RP1: variants seen among roughly 807,000 people sequenced by gnomAD.
The protein encoded by RP1 is RP1 axonemal microtubule associated, also known as oxygen-regulated protein 1.
In RP1, 16 loss-of-function variants were observed where a neutral mutation model predicts 14.8. That is an observed-to-expected ratio of 1.08 (90% CI 0.73 to 1.65). The LOEUF (loss-of-function observed/expected upper bound fraction) is 1.65. Among genes scored for constraint, RP1 ranks in the 40% most tolerant of loss-of-function variants. RP1 has a pLI of 0.00. For missense variants in RP1, 2,631 were observed against 2,535.0 expected, an observed-to-expected ratio of 1.04 and a Z score of -0.81; for synonymous variants, 876 against 883.6, an observed-to-expected ratio of 0.99 and a Z score of 0.15.
intron 24 of RP1, among the ~76,000 whole-genome samples, chr8:54,826,806 G>C (rs1811394371): frequency 6.6e-6 from 1 of 152,114 alleles, no homozygotes; most frequent in African/African-American, 2.4e-5. Context: ...TTAATGATGG[G>C]GATACCTTTG....
intron 24 of RP1, among the ~76,000 whole-genome samples, chr8:54,822,296 T>G (rs2129397197): frequency 6.6e-6 from 1 of 152,336 alleles, no homozygotes; most frequent in South Asian, 2.1e-4. Flanking sequence ...CTGAGAAAAT[T>G]TATCCAGAGA....
At chr8:54,769,969 T>G in exon 23 of RP1, 1 of 561,776 alleles carries the variant, frequency 1.8e-6, no homozygotes, top group Non-Finnish European at 3.1e-6. Context: ...TATGTAAAGC[T>G]GTGTCTTAGA....
chr8:54,652,786 G>T (rs1164679531), exon 5 of RP1: 9 of 1,535,250 alleles, frequency 5.9e-6, no homozygotes, highest in Non-Finnish European at 7.0e-6. Context: ...ATAGATAACA[G>T]TTGGAGACAT....
At chr8:54,826,913 T>A (rs1811397388) in intron 24 of RP1, among the ~76,000 whole-genome samples, 1 of 152,244 alleles carries the variant, frequency 6.6e-6, no homozygotes, top group African/African-American at 2.4e-5. Flanking sequence ...CTATGCTATA[T>A]GGGATTGCCT....
exon 18 of RP1, chr8:54,734,702 C>G: frequency 6.5e-7 from 1 of 1,535,094 alleles, no homozygotes; most frequent in Non-Finnish European, 8.7e-7. Flanking sequence ...GCAAGGACAG[C>G]TCAGAGCAGC....
At chr8:54,741,707 G>GTGTATATATATATATA (rs1554528860) in intron 19 of RP1, among the ~76,000 whole-genome samples, 1 of 58,034 alleles carries the variant, frequency 1.7e-5, no homozygotes. Context: ...AAATGTGTGT[G>GTGTATATATATATATA]TATATATATA....
intron 4 of RP1, among the ~76,000 whole-genome samples, chr8:54,652,446 G>T (rs911393354): frequency 1.3e-5 from 2 of 151,950 alleles, no homozygotes; most frequent in Non-Finnish European, 2.9e-5. Flanking sequence ...GTTTTCTGTT[G>T]TTGGGTGGAG....
intron 21 of RP1, among the ~76,000 whole-genome samples, chr8:54,758,486 G>C (rs1809562802): frequency 6.6e-6 from 1 of 151,560 alleles, no homozygotes; most frequent in South Asian, 2.1e-4. Flanking sequence ...GGGAAGGAGG[G>C]AGGAAGGAAG....
chr8:54,618,529 T>A (rs1398694966), intron 1 of RP1, among the ~76,000 whole-genome samples: 1 of 152,188 alleles, frequency 6.6e-6, no homozygotes, highest in Non-Finnish European at 1.5e-5. Context: ...AAGAAAAATA[T>A]CATTTTCCAA....
chr8:54,690,895 A>G (rs574374219), intron 12 of RP1, among the ~76,000 whole-genome samples: 1 of 152,176 alleles, frequency 6.6e-6, no homozygotes, highest in East Asian at 1.9e-4. Flanking sequence ...TTCCCCCACC[A>G]CTACAACCAT....
chr8:54,865,401 T>G (rs547918097), intron 27 of RP1, among the ~76,000 whole-genome samples: 2 of 152,078 alleles, frequency 1.3e-5, no homozygotes, highest in East Asian at 3.9e-4. Context: ...CTTTCATTTT[T>G]TCTTTCTTTA....
intron 6 of RP1, among the ~76,000 whole-genome samples, chr8:54,659,498 C>T (rs1248465155): frequency 2.0e-5 from 3 of 152,166 alleles, no homozygotes; most frequent in Non-Finnish European, 2.9e-5. Flanking sequence ...TGTCTTCCTC[C>T]TTGTGTGGTC....
chr8:54,649,587 A>G (rs1806615861), intron 4 of RP1, among the ~76,000 whole-genome samples: 1 of 152,242 alleles, frequency 6.6e-6, no homozygotes, highest in African/African-American at 2.4e-5. Context: ...AGGGAAACAG[A>G]GGTAACAAAG....
intron 24 of RP1, among the ~76,000 whole-genome samples, chr8:54,795,262 A>G (rs1487391055): frequency 6.6e-6 from 1 of 152,076 alleles, no homozygotes; most frequent in Non-Finnish European, 1.5e-5. Context: ...CAGTATCTTG[A>G]AGAGATATCT....
intron 8 of RP1, among the ~76,000 whole-genome samples, chr8:54,675,849 C>T (rs1372902086): frequency 6.6e-6 from 1 of 152,188 alleles, no homozygotes; most frequent in East Asian, 1.9e-4. Context: ...TAGTTTGAGG[C>T]TGCTATAACA....
chr8:54,806,833 A>G (rs1810863644), intron 24 of RP1, among the ~76,000 whole-genome samples: 1 of 152,212 alleles, frequency 6.6e-6, no homozygotes, highest in African/African-American at 2.4e-5. Flanking sequence ...GAGATGGATA[A>G]TTATCTTCAC....
intron 16 of RP1, chr8:54,720,404 T>G: frequency 9.3e-7 from 1 of 1,072,008 alleles, no homozygotes; most frequent in Non-Finnish European, 1.3e-6. Context: ...AGCAAATCTC[T>G]GCTGCTAGGC....
At chr8:54,780,358 A>G (rs536035145) in intron 23 of RP1, among the ~76,000 whole-genome samples, 24 of 152,236 alleles carry the variant, frequency 1.6e-4, no homozygotes, top group Non-Finnish European at 1.3e-4. Flanking sequence ...GGTGTTAGGT[A>G]AGACATATAA....
chr8:54,589,847 A>G (rs1335182546), intron 1 of RP1, among the ~76,000 whole-genome samples: 1 of 152,188 alleles, frequency 6.6e-6, no homozygotes, highest in Non-Finnish European at 1.5e-5. Context: ...ACTGGAATGG[A>G]CTTAAAATGA....
Sources: gnomAD v4.1 joint callset for allele counts (sites outside exome capture counted in the v4.1 genomes callset) on GRCh38, gnomAD v4.1.1 for gene constraint, MANE v1.5 for transcripts, NCBI Gene and HGNC (gene_info 2026-07-23, HGNC 2026-07-21) for gene names.